The following PRKCE variants were observed in gnomAD, a reference collection of about 807,000 sequenced individuals.
PRKCE encodes protein kinase C epsilon type.
A neutral mutation model predicts 85.4 loss-of-function variants in PRKCE; 16 were observed. The ratio of observed to expected loss-of-function variants is 0.19; its 90% confidence interval spans 0.13 to 0.28. PRKCE has a LOEUF of 0.28. Ranked by LOEUF, PRKCE falls within the 10% of genes least tolerant of loss-of-function variation. The pLI, the probability that PRKCE is intolerant of heterozygous loss-of-function variation, is 1.00. For missense variants in PRKCE, 573 were observed against 975.2 expected, an observed-to-expected ratio of 0.59 and a Z score of 5.49; for synonymous variants, 388 against 371.5, an observed-to-expected ratio of 1.04 and a Z score of -0.51.
At chr2:45,803,754 A>G (rs991416134) in intron 1 of PRKCE, among the ~76,000 whole-genome samples, 5 of 152,106 alleles carry the variant, frequency 3.3e-5, no homozygotes, top group Admixed American at 1.3e-4. Flanking sequence ...TGTTTAGTAA[A>G]TTGTTTCTGA....
intron 1 of PRKCE, among the ~76,000 whole-genome samples, chr2:45,762,949 TTTTCTTC>T (rs1312799195): frequency 5.2e-5 from 6 of 114,348 alleles, no homozygotes; most frequent in African/African-American, 2.0e-4. Flanking sequence ...TTTTCTTTTC[TTTTCTTC>T]TTTTTTTTTT....
chr2:45,990,908 C>A (rs563627035), intron 6 of PRKCE, among the ~76,000 whole-genome samples: 2 of 151,732 alleles, frequency 1.3e-5, no homozygotes, highest in African/African-American at 2.4e-5. Context: ...GTGATCCGTC[C>A]TCCTCAGCCT....
intron 11 of PRKCE, among the ~76,000 whole-genome samples, chr2:46,091,727 G>A (rs1003829818): frequency 1.3e-5 from 2 of 152,122 alleles, no homozygotes; most frequent in African/African-American, 4.8e-5. Context: ...AATACCACCT[G>A]CCACAGAGTA....
Position 45,786,888 on chromosome 2 carries a change from A to G in PRKCE, c.349-56112A>G, listed in dbSNP as rs1686640570. Among the ~76,000 whole-genome samples the G allele has an allele frequency of 6.6e-6, 1 of 152,216 alleles. No individual in the cohort carries two copies. On this transcript the variant is annotated intron_variant, in intron 1 of 14. Coordinates refer to ENST00000306156, the MANE Select transcript of PRKCE (RefSeq NM_005400.3). This position sits in a 1 kb window ranked among gnomAD's most constrained non-coding sequence, Gnocchi z 5.3. The stretch of plus-strand genomic sequence containing the variant: ...CATGGCAATAGTAGAGATGCGATTC[A>G]AACCCTAGGGAATACGATTCCAGAA...
chr2:45,991,197 G>A (rs1280879957), intron 6 of PRKCE, among the ~76,000 whole-genome samples: 1 of 151,078 alleles, frequency 6.6e-6, no homozygotes, highest in East Asian at 1.9e-4. Flanking sequence ...AGTAGAGATG[G>A]GGTTTCATCA....
chr2:45,776,289 C>A (rs1390924611), intron 1 of PRKCE, among the ~76,000 whole-genome samples: 1 of 152,226 alleles, frequency 6.6e-6, no homozygotes, highest in African/African-American at 2.4e-5. Flanking sequence ...TGAGCCATCC[C>A]TTTGGCATTT....
intron 1 of PRKCE, among the ~76,000 whole-genome samples, chr2:45,748,126 A>T (rs528186108): frequency 6.6e-6 from 1 of 152,236 alleles, no homozygotes; most frequent in African/African-American, 2.4e-5. Flanking sequence ...GAACACATTG[A>T]CAACCATTGG....
At chr2:45,690,790 T>A (rs1159677976) in intron 1 of PRKCE, among the ~76,000 whole-genome samples, 2 of 152,178 alleles carry the variant, frequency 1.3e-5, no homozygotes, top group East Asian at 3.8e-4. Flanking sequence ...TGTACTTTTT[T>A]AGGGCTGGAC....
chr2:46,007,773 T>G, intron 9 of PRKCE, 112 bp downstream of exon 9: 1 of 1,238,814 alleles, frequency 8.1e-7, no homozygotes, highest in Non-Finnish European at 1.1e-6. Context: ...TCGTTAGGTT[T>G]TCTTTCCTTT....
chr2:45,853,322 G>A (rs777480427), intron 2 of PRKCE, among the ~76,000 whole-genome samples: 1 of 152,160 alleles, frequency 6.6e-6, no homozygotes, highest in Non-Finnish European at 1.5e-5. Flanking sequence ...TCCAAGATGA[G>A]AACAAGAAGC....
chr2:45,800,122 G>A lies in PRKCE; in HGVS notation c.349-42878G>A, dbSNP rs1687740621. On this transcript the variant is annotated intron_variant, in intron 1 of 14. Coordinates refer to ENST00000306156, the MANE Select transcript of PRKCE (RefSeq NM_005400.3). ...TAGATGAAAATATAGTTGCAGGGTA[G>A]GGTAGTGGTGGCGCAGGAGTGCCCA... Among the ~76,000 whole-genome samples the A allele has an allele frequency of 3.3e-5, 5 of 152,206 alleles. No homozygotes were observed. The South Asian group carries it at 1.0e-3, about 31-fold the overall frequency.
At chr2:45,863,249 G>T (rs1393101402) in intron 2 of PRKCE, among the ~76,000 whole-genome samples, 1 of 152,132 alleles carries the variant, frequency 6.6e-6, no homozygotes, top group Admixed American at 6.5e-5. Flanking sequence ...TCAGGAAAAT[G>T]GAAGGTCTCA....
chr2:46,004,549 C>G lies in PRKCE; in HGVS notation c.974C>G (p.Ala325Gly). Reference protein sequence around the residue: ...NSGQRRKKLIAGAESPQPASG... With the variant: ...NSGQRRKKLIGGAESPQPASG... ...GCTTTCTCTCCTCTCTAGCTCATTGCTGGTGCCGAGTCCCCGCAGCCTGCT... is the reference window on the plus strand; with the variant it reads ...GCTTTCTCTCCTCTCTAGCTCATTGGTGGTGCCGAGTCCCCGCAGCCTGCT... The change falls in exon 8 of 15, where the codon GCT becomes GGT. Residue 325 changes from alanine (A) to glycine (G), a missense_variant. Coordinates refer to ENST00000306156, the MANE Select transcript of PRKCE (RefSeq NM_005400.3). The surrounding 1 kb of genome is among the most constrained non-coding windows in gnomAD (Gnocchi z 4.1). The G allele has an allele frequency of 6.3e-7, 1 of 1,581,996 alleles. No individual in the cohort carries two copies. The highest frequency in any genetic ancestry group is 1.1e-5 in the South Asian group (1 of 87,598).
chr2:46,118,758 G>T (rs1673013526), intron 11 of PRKCE, among the ~76,000 whole-genome samples: 1 of 152,192 alleles, frequency 6.6e-6, no homozygotes, highest in Non-Finnish European at 1.5e-5. Flanking sequence ...TAAGAATGAA[G>T]ATCCCTAGAG....
At chr2:45,800,566 C>G (rs1420682461) in intron 1 of PRKCE, among the ~76,000 whole-genome samples, 1 of 152,204 alleles carries the variant, frequency 6.6e-6, no homozygotes, top group Non-Finnish European at 1.5e-5. Context: ...AGCCTTCACT[C>G]CTTACTCCTA....
At chr2:45,700,311 G>A (rs1322967875) in intron 1 of PRKCE, among the ~76,000 whole-genome samples, 2 of 152,020 alleles carry the variant, frequency 1.3e-5, no homozygotes, top group East Asian at 3.9e-4. Flanking sequence ...GAAAACTAAG[G>A]GTGGTGAGGA....
At chr2:46,097,188 T>C (rs1485041038) in intron 11 of PRKCE, among the ~76,000 whole-genome samples, 1 of 152,062 alleles carries the variant, frequency 6.6e-6, no homozygotes, top group African/African-American at 2.4e-5. Flanking sequence ...CGGTAACCAA[T>C]GGGCTGGAAG....
chr2:46,141,810 G>T (rs890309597), intron 11 of PRKCE, among the ~76,000 whole-genome samples: 18 of 152,066 alleles, frequency 1.2e-4, no homozygotes, highest in African/African-American at 4.1e-4. Context: ...TTGCAAAGCC[G>T]TCAGTCTCCA....
rs1696928570 is a variant in PRKCE at position 45,905,820 on chromosome 2, A to G, written c.412+62757A>G. 6.6e-6 allele frequency among the ~76,000 whole-genome samples: 1 copy of G among 152,200 alleles called. No individual in the cohort carries two copies. Among genetic ancestry groups the G allele is most frequent in the South Asian group, 2.1e-4 (1 of 4,834 alleles). ...GAACTGCTTACTCAACTCTGTACTC[A>G]GTTACAAATTGGGTGAGATGTGGCT... On this transcript the variant is annotated intron_variant, in intron 2 of 14. Transcript: ENST00000306156. The surrounding 1 kb of genome is among the most constrained non-coding windows in gnomAD (Gnocchi z 4.4).
Sources: gnomAD v4.1 joint callset for allele counts (sites outside exome capture counted in the v4.1 genomes callset) on GRCh38, gnomAD v4.1.1 for gene constraint, Gnocchi (gnomAD v3.1) non-coding constraint, MANE v1.5 for transcripts, NCBI Gene and HGNC (gene_info 2026-07-23, HGNC 2026-07-21) for gene names.